Variants in MYO18B observed in about 807,000 individuals in gnomAD.
MYO18B encodes unconventional myosin-XVIIIb.
Under a neutral mutation model 273.0 loss-of-function variants are expected in MYO18B, and 204 were observed. The ratio of observed to expected loss-of-function variants is 0.75; its 90% CI spans 0.67 to 0.84. The LOEUF (loss-of-function observed/expected upper bound fraction) is 0.84. Ranked by LOEUF, MYO18B falls within the 40% of genes least tolerant of loss-of-function variation. The pLI is 0.00. For synonymous variants in MYO18B, 1,330 were observed against 1,305.7 expected (o/e 1.02, Z -0.40); for missense variants, 3,212 against 3,287.6 (o/e 0.98, Z 0.56).
In MYO18B at chr22:25,768,668, C is replaced by T; in HGVS notation, c.752C>T (p.Thr251Ile). ...VGKGLGTPKT[T>I]ELKEAEPQGK... is the part of the protein sequence containing the mutation. ...AAGGGGCTTGGGACCCCCAAGACCA[C>T]AGAGCTGAAAGAGGCTGAGCCCCAG... Residue 251 changes from threonine to isoleucine, a missense_variant, in exon 4 of 44, where the codon ACA (threonine) becomes ATA (isoleucine). Transcript: ENST00000335473. The T allele has an allele frequency of 6.5e-7, 1 of 1,541,620 alleles. No homozygotes were observed. The highest frequency in any genetic ancestry group is 8.7e-7 in the Non-Finnish European group (1 of 1,148,758).
chr22:25,757,840 A>G (rs2146571555), intron 1 of MYO18B, among the ~76,000 whole-genome samples: 1 of 152,328 alleles, frequency 6.6e-6, no homozygotes, highest in East Asian at 1.9e-4. Flanking sequence ...CATTTTGGAC[A>G]GCTCTGGTGT....
At chr22:25,843,336 TAAAC>T (rs2090139968) in intron 17 of MYO18B, among the ~76,000 whole-genome samples, 1 of 152,202 alleles carries the variant, frequency 6.6e-6, no homozygotes, top group African/African-American at 2.4e-5. Context: ...TATCAGAAAA[TAAAC>T]ATATCTTGCA....
Position 25,847,533 on chromosome 22 carries a change from C to T in MYO18B, c.3656C>T (p.Pro1219Leu). The change falls in exon 20 of 44, where the codon CCA (proline) becomes CTA (leucine). Residue 1219 changes from proline to leucine, a missense_variant. Transcript: ENST00000335473. ...AGGAGTGGGCAGGAATCTCCACCAC[C>T]ACCGCAGCCTGGTAGAGACAAGCCT... is the stretch of plus-strand genomic sequence containing the variant. ...ESRSGQESPP[P>L]PQPGRDKPGA... The T allele has an allele frequency of 6.4e-7, 1 of 1,574,468 alleles. No individual in the cohort carries two copies. The highest frequency in any genetic ancestry group is 8.6e-7 in the Non-Finnish European group (1 of 1,159,872).
chr22:25,917,852 T>TCC (rs991972874), intron 33 of MYO18B, among the ~76,000 whole-genome samples: 7 of 152,190 alleles, frequency 4.6e-5, no homozygotes, highest in Admixed American at 6.6e-5. Flanking sequence ...TGGTGGTTAC[T>TCC]CATACATTTC....
chr22:25,752,469 G>A (rs7290501), intron 1 of MYO18B, among the ~76,000 whole-genome samples: 47,300 of 151,286 alleles, frequency 0.31, 7,764 homozygotes, highest in South Asian at 0.42. Context: ...TTACAGGCGT[G>A]AGCCACCGCG....
intron 22 of MYO18B, among the ~76,000 whole-genome samples, chr22:25,871,106 G>A (rs182602780): frequency 6.6e-6 from 1 of 152,292 alleles, no homozygotes; most frequent in East Asian, 1.9e-4. Flanking sequence ...GGCAGATGCA[G>A]CATCTTACGC....
At chr22:25,877,918 C>T in intron 24 of MYO18B, 41 bp from the exon 25 acceptor site, 1 of 1,520,084 alleles carries the variant, frequency 6.6e-7, no homozygotes, top group Non-Finnish European at 8.9e-7. Flanking sequence ...AACTTAATCT[C>T]TGGCCTGGAA....
At chr22:26,036,777 C>T in the MYO18B span, among the ~76,000 whole-genome samples, 1 of 152,196 alleles carries the variant, frequency 6.6e-6, no homozygotes, top group Non-Finnish European at 1.5e-5. Context: ...GGTGGAAGGA[C>T]ATTGGAGGAT....
the MYO18B span, among the ~76,000 whole-genome samples, chr22:26,043,289 CTTAT>C: frequency 1.3e-5 from 2 of 151,932 alleles, no homozygotes; most frequent in Admixed American, 1.3e-4. Context: ...CCACAGTCAT[CTTAT>C]TTATTTTCCT....
chr22:25,760,296 T>C (rs1192926149), intron 1 of MYO18B, among the ~76,000 whole-genome samples: 2 of 150,458 alleles, frequency 1.3e-5, no homozygotes, highest in East Asian at 3.9e-4. Context: ...ACACCTGTAA[T>C]CCCAGCTACT....
chr22:25,966,993 C>T (rs947116527), intron 39 of MYO18B, among the ~76,000 whole-genome samples: 3 of 152,134 alleles, frequency 2.0e-5, no homozygotes, highest in African/African-American at 7.2e-5. Context: ...CTATTACTCC[C>T]CGACTTGTGG....
At chr22:25,863,347 TC>T (rs1457173519) in intron 21 of MYO18B, among the ~76,000 whole-genome samples, 4 of 152,192 alleles carry the variant, frequency 2.6e-5, no homozygotes, top group Non-Finnish European at 5.9e-5. Flanking sequence ...TTCTACTGTT[TC>T]CCCTCACCCT....
chr22:25,829,774 G>A (rs2089639930), intron 15 of MYO18B, among the ~76,000 whole-genome samples: 1 of 152,026 alleles, frequency 6.6e-6, no homozygotes, highest in African/African-American at 2.4e-5. Context: ...GGAGGTGGAG[G>A]TCGTGGTGAG....
Position 25,843,882 on chromosome 22 carries a change from A to G in MYO18B, c.3356A>G (p.His1119Arg). The G allele has an allele frequency of 6.2e-7, 1 of 1,608,854 alleles. No individual in the cohort carries two copies. The highest frequency in any genetic ancestry group is 8.5e-7 in the Non-Finnish European group (1 of 1,175,772). The change falls in exon 18 of 44, where the codon CAC becomes CGC. Residue 1119 changes from histidine to arginine, a missense_variant. His to Arg is a conservative substitution (Grantham distance 29). Coordinates refer to ENST00000335473, the MANE Select transcript of MYO18B (RefSeq NM_032608.7). ...LSALDAPQVL[H>R]QSKREELRSL... ...GCCCTGGATGCACCCCAGGTCCTGC[A>G]CCAGTCAAAAAGGTGAGTTGGGTCA... is the stretch of plus-strand genomic sequence containing the variant.
the MYO18B span, among the ~76,000 whole-genome samples, chr22:26,038,162 A>T: frequency 1.3e-5 from 2 of 152,332 alleles, no homozygotes; most frequent in African/African-American, 2.4e-5. Flanking sequence ...GAGAGAAATG[A>T]TTTGAGGATA....
intron 11 of MYO18B, among the ~76,000 whole-genome samples, chr22:25,787,219 A>AAAAAAAG (rs1303559511): frequency 3.3e-5 from 5 of 152,002 alleles, no homozygotes. Flanking sequence ...TGTCTCAGAA[A>AAAAAAAG]AAAAAAGAAA....
In MYO18B at chr22:26,003,506, G is replaced by A. The variant is rs537150132; in HGVS notation, c.6332+197G>A. ...CCCTAGTTCTTTTAGACAGAAAGAA[G>A]CCTATGCCTTCTCATGCTACTGTCC... On this transcript the variant is annotated intron_variant, in intron 41 of 43. Transcript: ENST00000335473. Among the ~76,000 whole-genome samples the A allele has an allele frequency of 4.4e-4, 67 of 152,286 alleles. No homozygotes were observed. The South Asian group carries it at 0.013, about 30-fold the overall frequency.
rs542027354 is a variant in MYO18B, at chr22:25,768,871, G to A, written c.955G>A (p.Gly319Arg). 3 of 1,613,150 alleles carry A rather than the reference G, an allele frequency of 1.9e-6. No individual in the cohort carries two copies. Among genetic ancestry groups the A allele is most frequent in the Admixed American group, 1.7e-5 (1 of 59,900 alleles). Residue 319 changes from glycine (G) to arginine (R), a missense_variant, in exon 4 of 44, where the codon GGA (glycine) becomes AGA (arginine). Gly to Arg is a moderately radical substitution (Grantham distance 125, BLOSUM62 -2). Coordinates refer to ENST00000335473, the MANE Select transcript of MYO18B (RefSeq NM_032608.7). The part of the protein sequence containing the change: ...VRPQIPGRKW[G>R]GFLGRRSKWD... ...GCCCCAAATCCCTGGGAGAAAGTGG[G>A]GAGGTTTCCTGGGAAGAAGGAGTAA...
At chr22:25,764,542 C>T (rs149502921) in intron 3 of MYO18B, among the ~76,000 whole-genome samples, 150 of 152,286 alleles carry the variant, frequency 9.8e-4, no homozygotes, top group African/African-American at 3.3e-3. Context: ...TTGGTTTGCC[C>T]GGCTAGTCCC....
Sources: gnomAD v4.1 joint callset for allele counts (sites outside exome capture counted in the v4.1 genomes callset) on GRCh38, gnomAD v4.1.1 for gene constraint, MANE v1.5 for transcripts, NCBI Gene and HGNC (gene_info 2026-07-23, HGNC 2026-07-21) for gene names.